ACER1: variants seen among roughly 807,000 people sequenced by gnomAD.
ACER1 encodes CTB-180A7.3.
Under a neutral mutation model 24.9 loss-of-function variants are expected in ACER1, and 28 were observed. The observed-to-expected ratio is 1.13, with a 90% CI of 0.83 to 1.54. ACER1 has a LOEUF of 1.54. Among genes scored for constraint, ACER1 ranks in the 40% most tolerant of loss-of-function variants. The pLI is 0.00. For missense variants in ACER1, 352 were observed against 349.3 expected, an observed-to-expected ratio of 1.01 and a Z score of -0.06; for synonymous variants, 132 against 131.4, an observed-to-expected ratio of 1.00 and a Z score of -0.03.
the ACER1 span, among the ~76,000 whole-genome samples, chr19:6,341,495 A>G: frequency 6.8e-6 from 1 of 147,770 alleles, no homozygotes; most frequent in Non-Finnish European, 1.5e-5. Context: ...CTGCACTCCA[A>G]CCTGGGCCAC....
upstream of ACER1, among the ~76,000 whole-genome samples, chr19:6,338,011 A>C (rs886085998): frequency 6.6e-6 from 1 of 151,810 alleles, no homozygotes; most frequent in Admixed American, 6.6e-5. Flanking sequence ...ATTTTGGCCC[A>C]GTGCAGTGGC....
At chr19:6,335,415 G>A (rs2091709840), upstream of ACER1, among the ~76,000 whole-genome samples, 1 of 151,434 alleles carries the variant, frequency 6.6e-6, no homozygotes, top group Admixed American at 6.6e-5. Flanking sequence ...AGTAGAGACG[G>A]GGTTTCACCA....
Position 6,306,766 on chromosome 19 carries a change from CA to C in ACER1, c.742del (p.Trp248GlyfsTer38). 1 of 1,614,112 alleles carries C rather than the reference CA, an allele frequency of 6.2e-7. No individual in the cohort carries two copies. Reference sequence around the variant, plus strand: ...TTCCACGTAGGGCAGCCCCACGGGCCAACTGTCCCGAGGCCAGTAGCGGACT... The same window carrying C: ...TTCCACGTAGGGCAGCCCCACGGGCCACTGTCCCGAGGCCAGTAGCGGACT... ...LKVRYWPRDS[W>X]PVGLPYVEIR... On this transcript the variant is annotated frameshift_variant, in exon 6 of 6. Coordinates refer to ENST00000301452, the MANE Select transcript of ACER1 (RefSeq NM_133492.3). LOFTEE classifies it high-confidence loss of function.
At chr19:6,315,585 TAGTC>T (rs1452556701) in intron 1 of ACER1, among the ~76,000 whole-genome samples, 5 of 151,972 alleles carry the variant, frequency 3.3e-5, no homozygotes, top group Non-Finnish European at 5.9e-5. Context: ...TTCACCGTGT[TAGTC>T]AGGATGGTCT....
chr19:6,356,060 T>C, the ACER1 span, among the ~76,000 whole-genome samples: 2 of 151,264 alleles, frequency 1.3e-5, no homozygotes, highest in Non-Finnish European at 2.9e-5. Flanking sequence ...GATTGAGAAA[T>C]CGGATGGTTG....
At chr19:6,334,733 G>A (rs934340020), upstream of ACER1, among the ~76,000 whole-genome samples, 7 of 152,022 alleles carry the variant, frequency 4.6e-5, no homozygotes, top group African/African-American at 1.7e-4. Flanking sequence ...ATATGGAGAC[G>A]ATGGTGACAG....
At chr19:6,336,316 T>C (rs913550016), upstream of ACER1, among the ~76,000 whole-genome samples, 13 of 152,168 alleles carry the variant, frequency 8.5e-5, no homozygotes, top group Admixed American at 6.6e-5. Context: ...TCCTATCTCC[T>C]GCTAGTAATC....
chr19:6,347,588 C>G, the ACER1 span, among the ~76,000 whole-genome samples: 2 of 152,020 alleles, frequency 1.3e-5, no homozygotes, highest in African/African-American at 4.8e-5. Context: ...GTTATCCCAG[C>G]ACTTTGGGAG....
intron 4 of ACER1, among the ~76,000 whole-genome samples, chr19:6,308,387 A>T (rs1379804466): frequency 2.0e-5 from 3 of 147,428 alleles, no homozygotes; most frequent in Non-Finnish European, 4.5e-5. Flanking sequence ...GTGAGCCGGG[A>T]TCGCACCATT....
At chr19:6,347,892 T>C in the ACER1 span, among the ~76,000 whole-genome samples, 1 of 150,716 alleles carries the variant, frequency 6.6e-6, no homozygotes, top group African/African-American at 2.4e-5. Context: ...CTAGTGTCCT[T>C]ATAAAAAGGG....
intron 4 of ACER1, among the ~76,000 whole-genome samples, chr19:6,308,232 C>T (rs1054250440): frequency 6.6e-6 from 1 of 151,554 alleles, no homozygotes; most frequent in South Asian, 2.1e-4. Flanking sequence ...GTTAGGAGTT[C>T]GAGACCAGCC....
chr19:6,312,788 G>C (rs2091588463), intron 1 of ACER1, among the ~76,000 whole-genome samples: 1 of 150,710 alleles, frequency 6.6e-6, no homozygotes. Flanking sequence ...CGATTCTCCT[G>C]TCTCAGACTC....
At chr19:6,329,178 T>TAAAA (rs201673281) in intron 1 of ACER1, among the ~76,000 whole-genome samples, 1 of 151,638 alleles carries the variant, frequency 6.6e-6, no homozygotes, top group East Asian at 1.9e-4. Flanking sequence ...TAAAATAAAA[T>TAAAA]AAACACGAAA....
At chr19:6,345,810 C>A in the ACER1 span, among the ~76,000 whole-genome samples, 3 of 151,808 alleles carry the variant, frequency 2.0e-5, no homozygotes, top group African/African-American at 7.3e-5. Context: ...GATGATCCAC[C>A]TGCCTTGGCC....
upstream of ACER1, among the ~76,000 whole-genome samples, chr19:6,335,505 G>A (rs1256081661): frequency 1.3e-5 from 2 of 152,002 alleles, no homozygotes; most frequent in African/African-American, 2.4e-5. Context: ...TTACAGGCGT[G>A]AGCCACTGTG....
chr19:6,330,342 AT>A (rs2145018670), intron 1 of ACER1, among the ~76,000 whole-genome samples: 1 of 149,024 alleles, frequency 6.7e-6, no homozygotes, highest in East Asian at 1.9e-4. Context: ...TAATTTTTGT[AT>A]TTTTAGTAGA....
intron 1 of ACER1, among the ~76,000 whole-genome samples, chr19:6,326,003 G>A (rs1442318088): frequency 6.6e-6 from 1 of 151,370 alleles, no homozygotes; most frequent in Middle Eastern, 3.4e-3. Flanking sequence ...CCCTCAGGCT[G>A]GAGTGAAGTG....
chr19:6,312,360 A>G lies in ACER1; in HGVS notation c.208+25T>C, dbSNP rs201416052. 167 of 1,614,014 alleles carry G rather than the reference A, an allele frequency of 1.0e-4. 3 individuals carry two copies. In the East Asian group the frequency reaches 1.8e-3, roughly 17 times the overall value. ...AAACCCCCACTGCCTCCCGACTGTC[A>G]CAGACCTGAACCACACCTCCCTACC... is the stretch of plus-strand genomic sequence containing the variant. On this transcript the variant is annotated intron_variant, in intron 2 of 5. Transcript: ENST00000301452.
At chr19:6,319,331 G>A (rs1256067669) in intron 1 of ACER1, among the ~76,000 whole-genome samples, 2 of 152,004 alleles carry the variant, frequency 1.3e-5, no homozygotes, top group Non-Finnish European at 2.9e-5. Flanking sequence ...TGCCTTCCGG[G>A]GCTCAGCCCC....
Sources: allele counts gnomAD v4.1 joint callset (sites outside exome capture counted in the v4.1 genomes callset), GRCh38; gene constraint gnomAD v4.1.1; transcripts MANE v1.5; gene names NCBI Gene and HGNC (gene_info 2026-07-23, HGNC 2026-07-21).